Variants in FAT3 observed in about 807,000 individuals in gnomAD.
The protein encoded by FAT3 is protocadherin Fat 3.
Under a neutral mutation model 310.2 loss-of-function variants are expected in FAT3, and 95 were observed. The ratio of observed to expected loss-of-function variants is 0.31; its 90% CI spans 0.26 to 0.36. The LOEUF (loss-of-function observed/expected upper bound fraction) is 0.36, where lower values mean the gene tolerates loss of function less well. Among genes scored for constraint, FAT3 ranks in the 10% least tolerant of loss-of-function variants. The probability of loss-of-function intolerance (pLI) is 1.00; values close to 1 mark genes in which losing one functional copy is unlikely to be tolerated. For synonymous variants in FAT3, 2,314 were observed against 2,192.9 expected (o/e 1.06, Z -1.54); for missense variants, 5,408 against 5,715.6 (o/e 0.95, Z 1.74).
chr11:92,410,981 A>G (rs1255109885), intron 2 of FAT3, among the ~76,000 whole-genome samples: 1 of 150,000 alleles, frequency 6.7e-6, no homozygotes, highest in Non-Finnish European at 1.5e-5. Flanking sequence ...GACAACTTCA[A>G]ATGCATACAT....
intron 2 of FAT3, among the ~76,000 whole-genome samples, chr11:92,418,627 A>G (rs1392739990): frequency 2.0e-5 from 3 of 151,964 alleles, no homozygotes; most frequent in Non-Finnish European, 4.4e-5. Flanking sequence ...TTGCCTCCCC[A>G]GGACCCATCT....
intron 4 of FAT3, among the ~76,000 whole-genome samples, chr11:92,730,464 G>A (rs1226518960): frequency 6.6e-6 from 1 of 152,190 alleles, no homozygotes; most frequent in African/African-American, 2.4e-5. Flanking sequence ...CTATTTGGAA[G>A]GTGAGGACGT....
chr11:92,333,953 A>T (rs780702532), intron 1 of FAT3, among the ~76,000 whole-genome samples: 1 of 152,156 alleles, frequency 6.6e-6, no homozygotes. Flanking sequence ...GTTTAAATAG[A>T]TTACAGTTAG....
intron 1 of FAT3, among the ~76,000 whole-genome samples, chr11:92,304,242 G>C (rs1294892516): frequency 6.6e-6 from 1 of 151,964 alleles, no homozygotes; most frequent in Non-Finnish European, 1.5e-5. Flanking sequence ...GTTCCTCCTG[G>C]GTCTGCATCT....
intron 4 of FAT3, among the ~76,000 whole-genome samples, chr11:92,717,045 A>C (rs1944712208): frequency 1.3e-5 from 2 of 152,206 alleles, no homozygotes; most frequent in Non-Finnish European, 2.9e-5. Flanking sequence ...CAATTGTAAA[A>C]TGAAGATAAT....
At chr11:92,715,005 G>A (rs1348118639) in intron 4 of FAT3, among the ~76,000 whole-genome samples, 11 of 151,868 alleles carry the variant, frequency 7.2e-5, no homozygotes, top group Non-Finnish European at 1.3e-4. Context: ...TATGGGGTAT[G>A]GGTTGTTTTT....
chr11:92,887,905 A>G (rs938386199), intron 25 of FAT3, among the ~76,000 whole-genome samples: 3 of 152,206 alleles, frequency 2.0e-5, no homozygotes, highest in African/African-American at 7.2e-5. Flanking sequence ...TCATCCACAG[A>G]GACAAGCAGC....
intron 3 of FAT3, among the ~76,000 whole-genome samples, chr11:92,564,436 T>C (rs866615935): frequency 6.6e-6 from 1 of 150,514 alleles, no homozygotes; most frequent in Middle Eastern, 3.4e-3. Context: ...ACATTAATAA[T>C]GGGAGACTTT....
chr11:92,331,998 C>A (rs765459807), intron 1 of FAT3, among the ~76,000 whole-genome samples: 8 of 152,202 alleles, frequency 5.3e-5, no homozygotes, highest in Non-Finnish European at 1.2e-4. Flanking sequence ...TTATATCTCA[C>A]ACATGTTAGC....
chr11:92,644,308 C>T (rs1285824890), intron 3 of FAT3, among the ~76,000 whole-genome samples: 1 of 152,208 alleles, frequency 6.6e-6, no homozygotes, highest in African/African-American at 2.4e-5. Flanking sequence ...AGGGTTCCCT[C>T]TATCAATTAT....
At position 92,355,159 on chromosome 11, in the gene FAT3, G is replaced by C. The variant is rs373884887; in HGVS notation, c.3047G>C (p.Gly1016Ala). ...YNLTVRAKDK[G>A]RPVSLSSVSF... ...CTTACTGTGCGGGCCAAAGACAAAG[G>C]GCGGCCTGTCTCTCTGTCATCTGTT... Residue 1016 changes from glycine (G) to alanine (A), a missense_variant, in exon 2 of 28, where the codon GGG (glycine) becomes GCG (alanine). Gly to Ala is a moderately conservative substitution (Grantham distance 60). Transcript: ENST00000525166. 18 of 1,613,626 alleles carry C rather than the reference G, an allele frequency of 1.1e-5. No individual in the cohort carries two copies. Among genetic ancestry groups the C allele is most frequent in the Non-Finnish European group, 1.4e-5 (17 of 1,179,838 alleles).
chr11:92,692,009 TA>T (rs1306776964), intron 3 of FAT3, among the ~76,000 whole-genome samples: 2 of 152,274 alleles, frequency 1.3e-5, no homozygotes, highest in East Asian at 1.9e-4. Flanking sequence ...ATTATTATCC[TA>T]TTTTTCTCCC....
At chr11:92,349,315 A>T (rs112385215) in intron 1 of FAT3, among the ~76,000 whole-genome samples, 273 of 152,290 alleles carry the variant, frequency 1.8e-3, no homozygotes, top group African/African-American at 6.2e-3. Flanking sequence ...ACATGTCCAC[A>T]GTGAGCCTAA....
chr11:92,499,713 A>G (rs902987976), intron 2 of FAT3, among the ~76,000 whole-genome samples: 16 of 119,394 alleles, frequency 1.3e-4, no homozygotes, highest in Middle Eastern at 4.6e-3. Flanking sequence ...GTGTGTGTGT[A>G]TGTGTGTGTA....
chr11:92,763,172 G>A (rs1208722426), intron 5 of FAT3, among the ~76,000 whole-genome samples: 1 of 150,000 alleles, frequency 6.7e-6, no homozygotes, highest in African/African-American at 2.4e-5. Context: ...AAAAAAAAAG[G>A]CACCATCCAC....
intron 18 of FAT3, 87 bp from the exon 19 acceptor site, chr11:92,843,847 A>C: frequency 8.1e-7 from 1 of 1,240,508 alleles, no homozygotes; most frequent in Non-Finnish European, 1.1e-6. Context: ...ACGTAAAGGT[A>C]CAGACGTCTT....
At chr11:92,699,200 G>C (rs983019262) in intron 4 of FAT3, among the ~76,000 whole-genome samples, 10 of 152,152 alleles carry the variant, frequency 6.6e-5, no homozygotes, top group Non-Finnish European at 1.0e-4. Context: ...CAAAATGCTT[G>C]GGAAGGGGTG....
intron 2 of FAT3, among the ~76,000 whole-genome samples, chr11:92,390,954 C>T (rs1357591526): frequency 6.6e-6 from 1 of 152,182 alleles, no homozygotes; most frequent in Non-Finnish European, 1.5e-5. Flanking sequence ...AGGGTTTAGA[C>T]ATCAGCTTGT....
intron 4 of FAT3, among the ~76,000 whole-genome samples, chr11:92,724,577 A>T (rs1399839393): frequency 6.6e-6 from 1 of 152,192 alleles, no homozygotes; most frequent in Non-Finnish European, 1.5e-5. Context: ...ATGTAGCTAA[A>T]TCTGGTTTTG....
Sources: gnomAD v4.1 joint callset for allele counts (sites outside exome capture counted in the v4.1 genomes callset) on GRCh38, gnomAD v4.1.1 for gene constraint, MANE v1.5 for transcripts, NCBI Gene and HGNC (gene_info 2026-07-23, HGNC 2026-07-21) for gene names.